The following AKAP19 variants were observed in gnomAD, a reference collection of about 807,000 sequenced individuals.
AKAP19 encodes small A-kinase anchoring protein.
chr2:190,108,949 T>C, the AKAP19 span, among the ~76,000 whole-genome samples: 2 of 152,192 alleles, frequency 1.3e-5, no homozygotes, highest in African/African-American at 4.8e-5. Context: ...TGTGTGAGAT[T>C]TCTGCTTTCT....
At chr2:190,131,773 G>A in the AKAP19 span, among the ~76,000 whole-genome samples, 1 of 152,148 alleles carries the variant, frequency 6.6e-6, no homozygotes, top group Non-Finnish European at 1.5e-5. Context: ...ATTAGAGCTG[G>A]TGTCTGCCAC....
the AKAP19 span, among the ~76,000 whole-genome samples, chr2:190,050,363 A>T: frequency 1.3e-5 from 2 of 152,306 alleles, no homozygotes; most frequent in Admixed American, 1.3e-4. Context: ...ATTGCCCTTC[A>T]GTTACATAGG....
At chr2:190,172,129 T>C in the AKAP19 span, among the ~76,000 whole-genome samples, 1 of 152,192 alleles carries the variant, frequency 6.6e-6, no homozygotes, top group Non-Finnish European at 1.5e-5. Context: ...TCCATGCTCA[T>C]TGCCACGCCT....
At chr2:190,172,001 G>C in the AKAP19 span, among the ~76,000 whole-genome samples, 1 of 152,032 alleles carries the variant, frequency 6.6e-6, no homozygotes, top group Non-Finnish European at 1.5e-5. Context: ...AATTTTCAAC[G>C]GGTGTCTGTT....
the AKAP19 span, among the ~76,000 whole-genome samples, chr2:190,014,405 A>G: frequency 6.6e-6 from 1 of 152,118 alleles, no homozygotes; most frequent in Non-Finnish European, 1.5e-5. Flanking sequence ...AAACCACCAG[A>G]TCTCATGAAA....
the AKAP19 span, among the ~76,000 whole-genome samples, chr2:190,003,679 C>T: frequency 6.6e-6 from 1 of 152,112 alleles, no homozygotes; most frequent in Non-Finnish European, 1.5e-5. Context: ...GCCTGTCCAA[C>T]ACGGAGAAAC....
At chr2:189,955,687 GT>G in the AKAP19 span, among the ~76,000 whole-genome samples, 11 of 152,050 alleles carry the variant, frequency 7.2e-5, no homozygotes, top group African/African-American at 2.2e-4. Context: ...TTTTATTGTG[GT>G]TTTAATTTGC....
chr2:189,886,482 T>C, the AKAP19 span, among the ~76,000 whole-genome samples: 2 of 152,172 alleles, frequency 1.3e-5, no homozygotes, highest in South Asian at 2.1e-4. Flanking sequence ...TCCTGGGAGA[T>C]TGAAGACACA....
At chr2:190,106,713 G>A in the AKAP19 span, among the ~76,000 whole-genome samples, 3 of 151,862 alleles carry the variant, frequency 2.0e-5, no homozygotes, top group African/African-American at 2.4e-5. Context: ...TAAATATCCA[G>A]GAAATTCAAC....
chr2:190,093,942 A>T, the AKAP19 span, among the ~76,000 whole-genome samples: 1 of 152,192 alleles, frequency 6.6e-6, no homozygotes, highest in South Asian at 2.1e-4. Context: ...AGAAGGGCCT[A>T]CCCTCTGTCC....
the AKAP19 span, among the ~76,000 whole-genome samples, chr2:189,928,437 T>A: frequency 6.6e-6 from 1 of 152,036 alleles, no homozygotes; most frequent in Non-Finnish European, 1.5e-5. Flanking sequence ...ATAGACATCA[T>A]GTTTAAGTAG....
At chr2:189,912,334 A>G in the AKAP19 span, among the ~76,000 whole-genome samples, 1 of 152,278 alleles carries the variant, frequency 6.6e-6, no homozygotes, top group South Asian at 2.1e-4. Context: ...TGAGGCCAGG[A>G]GTTCGAGACC....
At chr2:190,023,795 G>GTGTATA in the AKAP19 span, among the ~76,000 whole-genome samples, 2,297 of 142,742 alleles carry the variant, frequency 0.016, 27 homozygotes, top group African/African-American at 0.024. Context: ...ATGTGTGTGT[G>GTGTATA]TATATATATA....
the AKAP19 span, among the ~76,000 whole-genome samples, chr2:189,890,007 T>A: frequency 3.0e-4 from 45 of 152,344 alleles, no homozygotes; most frequent in East Asian, 8.7e-3. Flanking sequence ...GTTCTTTTAA[T>A]TGTGATGTTA....
At chr2:190,107,793 C>A in the AKAP19 span, among the ~76,000 whole-genome samples, 1 of 152,112 alleles carries the variant, frequency 6.6e-6, no homozygotes, top group African/African-American at 2.4e-5. Context: ...AAGAACAGAT[C>A]GAATAATATA....
the AKAP19 span, among the ~76,000 whole-genome samples, chr2:190,033,737 G>A: frequency 1.3e-5 from 2 of 152,030 alleles, no homozygotes; most frequent in African/African-American, 4.8e-5. Flanking sequence ...TAATAGCTTT[G>A]GTAGTGCTGT....
chr2:190,045,736 C>CTTCCTTATCTTGTG, the AKAP19 span, among the ~76,000 whole-genome samples: 5 of 152,206 alleles, frequency 3.3e-5, no homozygotes, highest in Non-Finnish European at 7.3e-5. Context: ...GTGGGGCCTG[C>CTTCCTTATCTTGTG]AGGCTGTCGC....
chr2:190,057,605 G>C, the AKAP19 span: 1 of 1,613,286 alleles, frequency 6.2e-7, no homozygotes, highest in Non-Finnish European at 8.5e-7. Context: ...GATCTTTTTG[G>C]TGTGTCTGTT....
chr2:190,075,578 A>C, the AKAP19 span, among the ~76,000 whole-genome samples: 5 of 152,210 alleles, frequency 3.3e-5, no homozygotes, highest in Non-Finnish European at 7.4e-5. Flanking sequence ...TCTAATCATT[A>C]TAAAATCATC....
Sources: gnomAD v4.1 joint callset for allele counts (sites outside exome capture counted in the v4.1 genomes callset) on GRCh38, gnomAD v4.1.1 for gene constraint, MANE v1.5 for transcripts, NCBI Gene and HGNC (gene_info 2026-07-23, HGNC 2026-07-21) for gene names.